LDHB: variants seen among roughly 807,000 people sequenced by gnomAD.
LDHB encodes lactate dehydrogenase B, also known as L-lactate dehydrogenase B chain.
Under a neutral mutation model 33.4 loss-of-function variants are expected in LDHB, and 18 were observed. The observed-to-expected ratio is 0.54, with a 90% CI of 0.37 to 0.80. The LOEUF (loss-of-function observed/expected upper bound fraction) is 0.80, where lower values mean the gene tolerates loss of function less well. LDHB is among the 30% of genes least tolerant of loss of function. The pLI, the probability that LDHB is intolerant of heterozygous loss-of-function variation, is 0.00. For synonymous variants in LDHB, 121 were observed against 140.6 expected (o/e 0.86, Z 0.98); for missense variants, 345 against 407.9 (o/e 0.85, Z 1.33).
At chr12:21,650,194 A>G (rs1042694927) in intron 2 of LDHB, among the ~76,000 whole-genome samples, 3 of 151,880 alleles carry the variant, frequency 2.0e-5, no homozygotes, top group Non-Finnish European at 4.4e-5. Flanking sequence ...ATTTTGCGGG[A>G]GGAAAAGGTA....
At position 21,643,775 on chromosome 12, in the gene LDHB, C is replaced by T. The variant is rs1938436324; in HGVS notation, c.421+160G>A. 10 of 632,632 alleles carry T rather than the reference C, an allele frequency of 1.6e-5. No individual in the cohort carries two copies. In the South Asian group the frequency reaches 1.9e-4, roughly 12 times the overall value. 39.2% of individuals were successfully genotyped at this position (632,632 alleles called of 1,614,324 possible). A position where few individuals can be genotyped will look rare whatever the true frequency, so the allele number is the denominator to read the frequency against. ...TTGAACATCTGGCCTGGGACAGAGG[C>T]ATTTGTTTTGCAAACACCACTATTT... On this transcript the variant is annotated intron_variant, in intron 4 of 7. Transcript: ENST00000350669.
At chr12:21,636,217 A>G (rs924284677) in intron 7 of LDHB, among the ~76,000 whole-genome samples, 1 of 152,160 alleles carries the variant, frequency 6.6e-6, no homozygotes, top group Admixed American at 6.5e-5. Flanking sequence ...ATTACTTTCT[A>G]TGAAATTTTA....
intron 5 of LDHB, chr12:21,638,679 C>A (rs1938283758): frequency 3.6e-6 from 2 of 548,750 alleles, no homozygotes; most frequent in Non-Finnish European, 6.5e-6. Flanking sequence ...GACCTTTTAA[C>A]TTTCAAGAAT....
At position 21,654,293 on chromosome 12, in the gene LDHB, G is replaced by A; in HGVS notation, c.129+250C>T. On this transcript the variant is annotated intron_variant, in intron 2 of 7. Coordinates refer to ENST00000350669, the MANE Select transcript of LDHB (RefSeq NM_002300.8). ...ATTTTAAATGTTAATAGTGTATACT[G>A]GATGATAGTATTGCATCAGTGTTAA... 8.0e-6 allele frequency: 4 copies of A among 502,920 alleles called. No individual in the cohort carries two copies. In the South Asian group the frequency reaches 8.6e-5, roughly 11 times the overall value. The allele number at this position is 502,920 out of a possible 1,614,324, so 31.2% of individuals were successfully genotyped here. A position where few individuals can be genotyped will look rare whatever the true frequency, so the allele number is the denominator to read the frequency against.
chr12:21,657,353 A>C (rs1261415703), intron 1 of LDHB: 3 of 152,204 alleles, frequency 2.0e-5, no homozygotes, highest in Non-Finnish European at 4.4e-5. Flanking sequence ...TTCGAGGTAA[A>C]GATCGTCCAG....
chr12:21,638,255 TA>T (rs1322123684), intron 6 of LDHB, 97 bp downstream of exon 6: 1 of 770,342 alleles, frequency 1.3e-6, no homozygotes, highest in Non-Finnish European at 2.3e-6. Context: ...ATTACTACAT[TA>T]AGAGTTTATC....
At chr12:21,656,200 T>C (rs1419547228) in intron 1 of LDHB, among the ~76,000 whole-genome samples, 1 of 152,236 alleles carries the variant, frequency 6.6e-6, no homozygotes, top group African/African-American at 2.4e-5. Flanking sequence ...GAGACAACTG[T>C]GTAACAACTA....
At chr12:21,637,382 A>G (rs1938248001) in intron 6 of LDHB, 188 bp from the exon 7 acceptor site, 4 of 567,986 alleles carry the variant, frequency 7.0e-6, no homozygotes, top group Admixed American at 3.0e-5. Context: ...AACTGTAAGC[A>G]CTACACAGTA....
At chr12:21,637,439 G>A (rs534879103) in intron 6 of LDHB, 1 of 349,494 alleles carries the variant, frequency 2.9e-6, no homozygotes, top group African/African-American at 2.1e-5. Flanking sequence ...TATAAGTTAA[G>A]ATTTATAAAG....
intron 1 of LDHB, among the ~76,000 whole-genome samples, chr12:21,655,730 TAAAAA>T (rs201260768): frequency 3.3e-5 from 5 of 151,784 alleles, no homozygotes; most frequent in African/African-American, 4.9e-5. Flanking sequence ...CCCTAAAATG[TAAAAA>T]AAAAAACAAA....
At chr12:21,656,071 TCC>T (rs913919020) in intron 1 of LDHB, among the ~76,000 whole-genome samples, 1 of 152,226 alleles carries the variant, frequency 6.6e-6, no homozygotes, top group Non-Finnish European at 1.5e-5. Context: ...TACCAGAGCT[TCC>T]CAGTCTAGTT....
chr12:21,639,309 G>A (rs1227941531), intron 5 of LDHB, among the ~76,000 whole-genome samples: 3 of 151,876 alleles, frequency 2.0e-5, no homozygotes, highest in Non-Finnish European at 4.4e-5. Context: ...TTAAAAAGAT[G>A]TTCTGGGAAA....
chr12:21,655,328 G>A (rs1403040891), intron 1 of LDHB, among the ~76,000 whole-genome samples: 1 of 152,156 alleles, frequency 6.6e-6, no homozygotes, highest in Non-Finnish European at 1.5e-5. Context: ...TATTAAGAAT[G>A]TATATGTAAC....
intron 2 of LDHB, among the ~76,000 whole-genome samples, chr12:21,652,623 C>T (rs920381105): frequency 2.7e-5 from 4 of 147,932 alleles, no homozygotes; most frequent in African/African-American, 5.3e-5. Flanking sequence ...GAAGGAAATG[C>T]AAAAGGATAG....
In LDHB at chr12:21,649,186, G is replaced by A. The variant is rs114671813; in HGVS notation, c.130-2170C>T. Among the ~76,000 whole-genome samples the A allele has an allele frequency of 7.4e-3, 1,134 of 152,244 alleles. 22 individuals carry two copies. Among genetic ancestry groups the A allele is most frequent in the African/African-American group, 0.026 (1,078 of 41,518 alleles). On this transcript the variant is annotated intron_variant, in intron 2 of 7. Transcript: ENST00000350669. ...CACATGTGTGCTGCTGAAATCCACA[G>A]GGCAAAACAATTTAGTGCTTAAGTA...
chr12:21,643,863 C>A, intron 4 of LDHB, 72 bp downstream of exon 4: 2 of 1,218,760 alleles, frequency 1.6e-6, no homozygotes, highest in East Asian at 2.3e-5. Flanking sequence ...TGATTTTAGT[C>A]CAAAACAATA....
intron 2 of LDHB, among the ~76,000 whole-genome samples, chr12:21,648,193 G>A (rs1176472171): frequency 6.6e-6 from 1 of 151,966 alleles, no homozygotes; most frequent in Non-Finnish European, 1.5e-5. Flanking sequence ...TGTTTTTATG[G>A]CTGTTAGCAA....
intron 2 of LDHB, among the ~76,000 whole-genome samples, chr12:21,649,752 T>A (rs2136977309): frequency 6.6e-6 from 1 of 152,230 alleles, no homozygotes; most frequent in Non-Finnish European, 1.5e-5. Flanking sequence ...TCCTAAGTAA[T>A]AAATTACTAC....
At chr12:21,656,789 G>T (rs1938858364) in intron 1 of LDHB, among the ~76,000 whole-genome samples, 1 of 152,168 alleles carries the variant, frequency 6.6e-6, no homozygotes, top group South Asian at 2.1e-4. Context: ...TAAGGAACAA[G>T]AACGACAAAC....
Sources: allele counts gnomAD v4.1 joint callset (sites outside exome capture counted in the v4.1 genomes callset), GRCh38; gene constraint gnomAD v4.1.1; transcripts MANE v1.5; gene names NCBI Gene and HGNC (gene_info 2026-07-23, HGNC 2026-07-21).